The following ATXN1 variants were observed in gnomAD, a reference collection of about 807,000 sequenced individuals.
ATXN1 encodes the protein ataxin-1.
A neutral mutation model predicts 56.4 loss-of-function variants in ATXN1; 8 were observed. The observed-to-expected ratio is 0.14, with a 90% CI of 0.08 to 0.26. The LOEUF (loss-of-function observed/expected upper bound fraction) is 0.26. ATXN1 is among the 10% of genes least tolerant of loss of function. The pLI, the probability that ATXN1 is intolerant of heterozygous loss-of-function variation, is 1.00. For synonymous variants in ATXN1, 514 were observed against 494.6 expected (o/e 1.04, Z -0.52); for missense variants, 987 against 1,106.5 (o/e 0.89, Z 1.53).
intron 3 of ATXN1, among the ~76,000 whole-genome samples, chr6:16,604,564 A>C (rs577511853): frequency 6.6e-6 from 1 of 151,556 alleles, no homozygotes; most frequent in South Asian, 2.1e-4. Flanking sequence ...GTTCCTCTTC[A>C]GACAACTGGA....
At chr6:16,574,397 C>T (rs893163916) in intron 4 of ATXN1, among the ~76,000 whole-genome samples, 9 of 152,100 alleles carry the variant, frequency 5.9e-5, no homozygotes, top group South Asian at 2.1e-4. Context: ...TTAGTAGAAA[C>T]GGGGTTTCTC....
chr6:16,417,448 T>TTTTTTTTTTTTTTTTTTTTTTTTTTTTA (rs1758934508), intron 6 of ATXN1, among the ~76,000 whole-genome samples: 1 of 138,490 alleles, frequency 7.2e-6, no homozygotes, highest in Non-Finnish European at 1.6e-5. Context: ...CTTATTTTTT[T>TTTTTTTTTTTTTTTTTTTTTTTTTTTTA]TTTTTCTTGA....
At chr6:16,331,040 G>A (rs1561855134) in intron 6 of ATXN1, among the ~76,000 whole-genome samples, 1 of 151,816 alleles carries the variant, frequency 6.6e-6, no homozygotes, top group African/African-American at 2.4e-5. Flanking sequence ...TCACTCTGTC[G>A]CCCAGGCTGG....
chr6:16,753,844 T>C (rs998726415), intron 1 of ATXN1, among the ~76,000 whole-genome samples: 2 of 152,104 alleles, frequency 1.3e-5, no homozygotes, highest in African/African-American at 4.8e-5. Flanking sequence ...AAGGAAAAAA[T>C]GCAGAAAAAA....
intron 5 of ATXN1, among the ~76,000 whole-genome samples, chr6:16,509,746 A>G (rs748314631): frequency 4.6e-5 from 7 of 152,066 alleles, no homozygotes; most frequent in Admixed American, 2.0e-4. Flanking sequence ...CTCGTTTCAA[A>G]ATCTCTTGTT....
chr6:16,724,379 A>G (rs907856113), intron 2 of ATXN1, among the ~76,000 whole-genome samples: 1 of 152,180 alleles, frequency 6.6e-6, no homozygotes, highest in Non-Finnish European at 1.5e-5. Flanking sequence ...TTTTCTTCTA[A>G]GCATGTATGG....
At chr6:16,398,705 A>G (rs1163447356) in intron 6 of ATXN1, among the ~76,000 whole-genome samples, 1 of 152,226 alleles carries the variant, frequency 6.6e-6, no homozygotes, top group African/African-American at 2.4e-5. Flanking sequence ...ATATGTACAC[A>G]TTTTATCCTT....
intron 6 of ATXN1, among the ~76,000 whole-genome samples, chr6:16,432,249 C>T (rs1759300079): frequency 6.6e-6 from 1 of 152,178 alleles, no homozygotes; most frequent in Non-Finnish European, 1.5e-5. Flanking sequence ...GTTAAATTGA[C>T]CCTGCAGGGC....
intron 3 of ATXN1, among the ~76,000 whole-genome samples, chr6:16,628,714 GTATT>G (rs1190524511): frequency 6.6e-6 from 1 of 152,180 alleles, no homozygotes; most frequent in African/African-American, 2.4e-5. Flanking sequence ...AGAACATGCA[GTATT>G]TAGTTTTTTG....
chr6:16,606,888 T>TGTGTGTG (rs145108851), intron 3 of ATXN1, among the ~76,000 whole-genome samples: 10 of 147,034 alleles, frequency 6.8e-5, no homozygotes, highest in South Asian at 2.2e-4. Context: ...TGTGTGTGTG[T>TGTGTGTG]TGTTTGTTTG....
rs77426312 is a variant in ATXN1, at chr6:16,543,473, A to G, written c.-360-20785T>C. Among the ~76,000 whole-genome samples, 221 of 152,294 alleles carry G rather than the reference A, an allele frequency of 1.5e-3. 3 individuals are homozygous for G. The East Asian group carries it at 0.035, about 24-fold the overall frequency. On this transcript the variant is annotated intron_variant, in intron 4 of 7. Transcript: ENST00000436367. ...TGCACATATGCTAAAGGCAGGGCAC[A>G]TAAGACTCTTACAGGAAAGTATGCC...
At chr6:16,718,083 T>C (rs2113465165) in intron 2 of ATXN1, among the ~76,000 whole-genome samples, 1 of 152,230 alleles carries the variant, frequency 6.6e-6, no homozygotes. Flanking sequence ...ACTGGCAGAG[T>C]TGCCACACAA....
intron 6 of ATXN1, among the ~76,000 whole-genome samples, chr6:16,424,421 C>T (rs976734217): frequency 1.3e-5 from 2 of 152,068 alleles, no homozygotes; most frequent in Non-Finnish European, 2.9e-5. Flanking sequence ...CTGATTTTAC[C>T]CCTCTCTCTT....
chr6:16,550,729 A>G (rs187732341), intron 4 of ATXN1, among the ~76,000 whole-genome samples: 6 of 152,364 alleles, frequency 3.9e-5, no homozygotes, highest in African/African-American at 1.4e-4. Context: ...CAAGTTCTAT[A>G]CATTTTTTGC....
At chr6:16,446,005 G>A (rs1167321682) in intron 6 of ATXN1, among the ~76,000 whole-genome samples, 1 of 151,982 alleles carries the variant, frequency 6.6e-6, no homozygotes, top group African/African-American at 2.4e-5. Context: ...TGTCTTTATT[G>A]CAGCATGATT....
intron 2 of ATXN1, among the ~76,000 whole-genome samples, chr6:16,713,294 G>A (rs1362967227): frequency 6.6e-6 from 1 of 152,098 alleles, no homozygotes; most frequent in Non-Finnish European, 1.5e-5. Flanking sequence ...ATTTACAAAC[G>A]CTGGGTTTAC....
chr6:16,455,500 A>T (rs1759847946), intron 6 of ATXN1, among the ~76,000 whole-genome samples: 1 of 152,232 alleles, frequency 6.6e-6, no homozygotes, highest in Non-Finnish European at 1.5e-5. Flanking sequence ...TTGGGAAAAC[A>T]GTTTGGCAGT....
intron 2 of ATXN1, among the ~76,000 whole-genome samples, chr6:16,694,381 G>A (rs1290345846): frequency 1.3e-5 from 2 of 151,788 alleles, no homozygotes; most frequent in East Asian, 3.9e-4. Context: ...AGCCTCCCAA[G>A]TAGCTGGGAT....
chr6:16,590,772 T>C (rs1762707949), intron 3 of ATXN1, among the ~76,000 whole-genome samples: 1 of 151,952 alleles, frequency 6.6e-6, no homozygotes, highest in Admixed American at 6.6e-5. Flanking sequence ...CGGGCTCAGG[T>C]GGTCCTCTCA....
Sources: gnomAD v4.1 joint callset for allele counts (sites outside exome capture counted in the v4.1 genomes callset) on GRCh38, gnomAD v4.1.1 for gene constraint, MANE v1.5 for transcripts, NCBI Gene and HGNC (gene_info 2026-07-23, HGNC 2026-07-21) for gene names.